Variants in LRRFIP2 observed in about 807,000 individuals in gnomAD.
LRRFIP2 encodes the protein leucine-rich repeat flightless-interacting protein 2.
LRRFIP2 carries 109 observed loss-of-function variants against 125.9 expected under a neutral mutation model. The observed-to-expected ratio is 0.87, with a 90% CI of 0.74 to 1.01. The LOEUF is 1.01. Ranked by LOEUF, LRRFIP2 falls within the 50% of genes least tolerant of loss-of-function variation. The pLI is 0.00. For synonymous variants in LRRFIP2, 291 were observed against 293.1 expected, an observed-to-expected ratio of 0.99 and a Z score of 0.07; for missense variants, 850 against 862.3, an observed-to-expected ratio of 0.99 and a Z score of 0.18.
intron 21 of LRRFIP2, chr3:37,066,610 AAAT>A (rs1255415663): frequency 1.0e-5 from 3 of 288,564 alleles, no homozygotes; most frequent in Non-Finnish European, 2.0e-5. Context: ...TCAATGAAAA[AAAT>A]AAAACAGGAA....
chr3:37,124,365 G>A (rs1342987483), intron 4 of LRRFIP2, among the ~76,000 whole-genome samples: 4 of 152,204 alleles, frequency 2.6e-5, no homozygotes, highest in African/African-American at 4.8e-5. Flanking sequence ...TACCAAAAAC[G>A]TTCAAAACAC....
chr3:37,063,118 CA>C (rs2089222456), intron 24 of LRRFIP2, among the ~76,000 whole-genome samples: 1 of 152,112 alleles, frequency 6.6e-6, no homozygotes, highest in Non-Finnish European at 1.5e-5. Flanking sequence ...GAAAACCAAG[CA>C]AATACAAAGA....
chr3:37,094,151 C>A (rs1387114242), intron 17 of LRRFIP2, among the ~76,000 whole-genome samples: 1 of 152,158 alleles, frequency 6.6e-6, no homozygotes, highest in East Asian at 1.9e-4. Flanking sequence ...TCTTAAATCT[C>A]CAAGGCCAAG....
intron 14 of LRRFIP2, among the ~76,000 whole-genome samples, chr3:37,105,212 CTT>C (rs911385924): frequency 5.9e-5 from 9 of 152,122 alleles, no homozygotes; most frequent in Non-Finnish European, 7.4e-5. Context: ...AAAGTAAAAA[CTT>C]TTCAAATAAT....
At chr3:37,157,738 G>A (rs2096240506) in intron 1 of LRRFIP2, among the ~76,000 whole-genome samples, 2 of 152,088 alleles carry the variant, frequency 1.3e-5, no homozygotes, top group African/African-American at 4.8e-5. Context: ...GGCAAAACTG[G>A]AGAACTTGGC....
chr3:37,086,464 AAAC>A lies in LRRFIP2; in HGVS notation c.1108-2661_1108-2659del, dbSNP rs560734304. Among the ~76,000 whole-genome samples the A allele has an allele frequency of 5.5e-3, 843 of 152,346 alleles. 9 individuals carry two copies. The highest frequency in any genetic ancestry group is 0.018 in the African/African-American group (733 of 41,570). On this transcript the variant is annotated intron_variant, in intron 18 of 27. Coordinates refer to ENST00000336686, the MANE Select transcript of LRRFIP2 (RefSeq NM_006309.4). ...TTATTCATAATAGACAGAAAAGTAT[AAAC>A]AACCCAAATGCCTATCAACTGACAA...
chr3:37,175,565 C>T (rs1368108831), upstream of LRRFIP2, among the ~76,000 whole-genome samples: 1 of 152,140 alleles, frequency 6.6e-6, no homozygotes, highest in Non-Finnish European at 1.5e-5. Flanking sequence ...GTCAATAACG[C>T]CTCGTATTAG....
chr3:37,175,221 A>C (rs2096642352), upstream of LRRFIP2: 1 of 152,204 alleles, frequency 6.6e-6, no homozygotes, highest in Admixed American at 6.5e-5. Flanking sequence ...CATTATGACA[A>C]CATAAAAAAA....
At chr3:37,089,444 G>A (rs2093299703) in intron 18 of LRRFIP2, among the ~76,000 whole-genome samples, 1 of 152,128 alleles carries the variant, frequency 6.6e-6, no homozygotes, top group South Asian at 2.1e-4. Flanking sequence ...AATGTCACAA[G>A]CAATGAGCCA....
At chr3:37,116,952 T>A (rs773512594) in intron 6 of LRRFIP2, among the ~76,000 whole-genome samples, 26 of 152,186 alleles carry the variant, frequency 1.7e-4, no homozygotes, top group Non-Finnish European at 2.4e-4. Context: ...ATAAAAAATA[T>A]TATTATTGCA....
intron 4 of LRRFIP2, among the ~76,000 whole-genome samples, chr3:37,126,042 T>C (rs1055836252): frequency 2.0e-5 from 3 of 152,190 alleles, no homozygotes; most frequent in Non-Finnish European, 4.4e-5. Flanking sequence ...TTTGTTTGTT[T>C]GTTTGAGACA....
intron 4 of LRRFIP2, among the ~76,000 whole-genome samples, 198 bp from the exon 5 acceptor site, chr3:37,121,889 A>AGTGTGTGTGTGTGTGTGT (rs2095064300): frequency 8.0e-6 from 1 of 124,228 alleles, no homozygotes; most frequent in African/African-American, 3.1e-5. Flanking sequence ...TGTGTGTGTA[A>AGTGTGTGTGTGTGTGTGT]GTTTCAATAT....
intron 2 of LRRFIP2, among the ~76,000 whole-genome samples, chr3:37,143,354 A>G (rs1164179946): frequency 2.0e-5 from 3 of 152,220 alleles, no homozygotes; most frequent in East Asian, 1.9e-4. Flanking sequence ...TCAGGACAAC[A>G]TGGTCACAGG....
chr3:37,078,627 TCA>T (rs1030339481), intron 19 of LRRFIP2, among the ~76,000 whole-genome samples: 15 of 152,150 alleles, frequency 9.9e-5, no homozygotes, highest in African/African-American at 3.6e-4. Context: ...AAAAAAAACT[TCA>T]CACACATATT....
At chr3:37,129,244 A>C in intron 2 of LRRFIP2, 95 bp from the exon 3 acceptor site, 1 of 1,016,180 alleles carries the variant, frequency 9.8e-7, no homozygotes, top group Non-Finnish European at 1.5e-6. Context: ...TACCACGCAA[A>C]AGGGGTGGGC....
chr3:37,055,792 T>C (rs1157880059), intron 25 of LRRFIP2, among the ~76,000 whole-genome samples: 1 of 152,184 alleles, frequency 6.6e-6, no homozygotes, highest in Non-Finnish European at 1.5e-5. Flanking sequence ...ACCCTGTGTG[T>C]AACCTTGTGG....
intron 17 of LRRFIP2, among the ~76,000 whole-genome samples, chr3:37,094,520 A>G (rs73824633): frequency 6.6e-6 from 1 of 152,218 alleles, no homozygotes; most frequent in Non-Finnish European, 1.5e-5. Flanking sequence ...TTACTTTTAC[A>G]TACATTACAA....
chr3:37,146,672 T>C (rs77726322), intron 2 of LRRFIP2, among the ~76,000 whole-genome samples: 1,647 of 152,292 alleles, frequency 0.011, 37 homozygotes, highest in African/African-American at 0.037. Context: ...TGCACAATAT[T>C]CCGTGGTGTA....
intron 18 of LRRFIP2, among the ~76,000 whole-genome samples, chr3:37,087,521 CA>C (rs1436063623): frequency 2.0e-5 from 3 of 152,112 alleles, no homozygotes; most frequent in Non-Finnish European, 4.4e-5. Flanking sequence ...ACAGAAGTGT[CA>C]GGTATTTTAG....
Sources: gnomAD v4.1 joint callset for allele counts (sites outside exome capture counted in the v4.1 genomes callset) on GRCh38, gnomAD v4.1.1 for gene constraint, MANE v1.5 for transcripts, NCBI Gene and HGNC (gene_info 2026-07-23, HGNC 2026-07-21) for gene names.